Variants in GABRG3 observed in about 807,000 individuals in gnomAD.
The protein encoded by GABRG3 is gamma-aminobutyric acid type A receptor subunit gamma3.
A neutral mutation model predicts 48.8 loss-of-function variants in GABRG3; 25 were observed. The ratio of observed to expected loss-of-function variants is 0.51; its 90% confidence interval spans 0.37 to 0.72. The LOEUF (loss-of-function observed/expected upper bound fraction) is 0.72, where lower values mean the gene tolerates loss of function less well. Ranked by LOEUF, GABRG3 falls within the 30% of genes least tolerant of loss-of-function variation. The pLI, the probability that GABRG3 is intolerant of heterozygous loss-of-function variation, is 0.00. For synonymous variants in GABRG3, 227 were observed against 217.6 expected (o/e 1.04, Z -0.38); for missense variants, 394 against 577.9 (o/e 0.68, Z 3.26).
intron 3 of GABRG3, among the ~76,000 whole-genome samples, chr15:27,092,261 G>A (rs1897199054): frequency 6.6e-6 from 1 of 152,254 alleles, no homozygotes; most frequent in African/African-American, 2.4e-5. Context: ...GACAGAACTG[G>A]GGAATCTTTA....
chr15:27,131,462 T>C (rs1215234306), intron 3 of GABRG3, among the ~76,000 whole-genome samples: 1 of 152,024 alleles, frequency 6.6e-6, no homozygotes, highest in Non-Finnish European at 1.5e-5. Context: ...GATTCTTGTA[T>C]CAGTAGTCAA....
chr15:27,501,065 C>A (rs138371752), intron 6 of GABRG3, among the ~76,000 whole-genome samples: 1 of 150,320 alleles, frequency 6.7e-6, no homozygotes, highest in African/African-American at 2.5e-5. Flanking sequence ...CATTCTCCTG[C>A]CTCAGCCTCC....
intron 6 of GABRG3, among the ~76,000 whole-genome samples, chr15:27,502,508 G>T (rs2150854854): frequency 6.6e-6 from 1 of 152,248 alleles, no homozygotes; most frequent in South Asian, 2.1e-4. Flanking sequence ...TGTGCAATCA[G>T]TTCTGCAGGG....
chr15:26,985,161 C>T (rs1186892870), intron 2 of GABRG3, among the ~76,000 whole-genome samples: 19 of 152,172 alleles, frequency 1.2e-4, no homozygotes, highest in Non-Finnish European at 2.5e-4. Flanking sequence ...CAGGAGATCC[C>T]AGCCTCCTCC....
At chr15:27,007,830 T>A (rs931296100) in intron 2 of GABRG3, among the ~76,000 whole-genome samples, 1 of 152,202 alleles carries the variant, frequency 6.6e-6, no homozygotes, top group Non-Finnish European at 1.5e-5. Flanking sequence ...GATGCATAGT[T>A]TGCAAATATT....
At chr15:27,104,510 C>G (rs1366000714) in intron 3 of GABRG3, among the ~76,000 whole-genome samples, 2 of 152,204 alleles carry the variant, frequency 1.3e-5, no homozygotes, top group African/African-American at 4.8e-5. Context: ...CTCATTCACT[C>G]ACTCACTCCC....
At position 27,231,721 on chromosome 15, in the gene GABRG3, T is replaced by C. The variant is rs569913810; in HGVS notation, c.271-95088T>C. Among the ~76,000 whole-genome samples, 9 of 152,368 alleles carry C rather than the reference T, an allele frequency of 5.9e-5. No individual in the cohort carries two copies. The South Asian group carries it at 1.9e-3, about 32-fold the overall frequency. On this transcript the variant is annotated intron_variant, in intron 3 of 9. Transcript: ENST00000615808. ...TTTAACTTACTGTCATTTTCCTTTT[T>C]ATTTATTCATTTGTTTGATATTGTA... is the stretch of plus-strand genomic sequence containing the variant.
intron 3 of GABRG3, among the ~76,000 whole-genome samples, chr15:27,226,309 A>G (rs951138462): frequency 6.6e-6 from 1 of 152,138 alleles, no homozygotes; most frequent in East Asian, 1.9e-4. Flanking sequence ...TGCTGCTGAC[A>G]TGGACAATGT....
chr15:27,323,495 C>T (rs1438030211), intron 3 of GABRG3, among the ~76,000 whole-genome samples: 1 of 152,166 alleles, frequency 6.6e-6, no homozygotes, highest in Non-Finnish European at 1.5e-5. Flanking sequence ...CCCATATGTG[C>T]CTCCCTGACC....
chr15:27,321,506 A>T (rs556200105), intron 3 of GABRG3, among the ~76,000 whole-genome samples: 1 of 152,234 alleles, frequency 6.6e-6, no homozygotes, highest in Non-Finnish European at 1.5e-5. Flanking sequence ...CCTGAGAAGG[A>T]AAAAATAAAA....
At chr15:27,152,247 A>T (rs764048819) in intron 3 of GABRG3, among the ~76,000 whole-genome samples, 1 of 152,162 alleles carries the variant, frequency 6.6e-6, no homozygotes, top group Non-Finnish European at 1.5e-5. Flanking sequence ...TGTTTCCTCC[A>T]TGAAATCCCT....
At chr15:27,279,514 A>G (rs1194823519) in intron 3 of GABRG3, among the ~76,000 whole-genome samples, 1 of 152,206 alleles carries the variant, frequency 6.6e-6, no homozygotes, top group African/African-American at 2.4e-5. Flanking sequence ...ATAAATTGAA[A>G]AGATTCTCTT....
At chr15:27,200,144 A>G (rs1012933987) in intron 3 of GABRG3, among the ~76,000 whole-genome samples, 4 of 152,158 alleles carry the variant, frequency 2.6e-5, no homozygotes, top group African/African-American at 9.7e-5. Flanking sequence ...AGGATTGTTT[A>G]CCAGCTGCTC....
At chr15:27,321,361 C>G (rs1272396761) in intron 3 of GABRG3, among the ~76,000 whole-genome samples, 1 of 152,190 alleles carries the variant, frequency 6.6e-6, no homozygotes, top group Non-Finnish European at 1.5e-5. Context: ...TTGGGAAAAC[C>G]CTTGTGCCTG....
chr15:27,257,794 A>G (rs1447619354), intron 3 of GABRG3, among the ~76,000 whole-genome samples: 2 of 150,310 alleles, frequency 1.3e-5, no homozygotes, highest in Admixed American at 6.6e-5. Context: ...GACTATGTGC[A>G]TGCACCACCA....
At chr15:27,098,207 G>A (rs762875403) in intron 3 of GABRG3, among the ~76,000 whole-genome samples, 7 of 152,176 alleles carry the variant, frequency 4.6e-5, no homozygotes, top group Non-Finnish European at 7.3e-5. Flanking sequence ...GCCAAGGCGA[G>A]TGGATCACCT....
intron 2 of GABRG3, among the ~76,000 whole-genome samples, chr15:26,992,127 C>T (rs754443857): frequency 4.6e-5 from 7 of 152,158 alleles, no homozygotes; most frequent in South Asian, 4.1e-4. Flanking sequence ...TAATAGTTTT[C>T]TTGTGGAATC....
At chr15:27,245,661 C>G (rs910955978) in intron 3 of GABRG3, among the ~76,000 whole-genome samples, 4 of 152,234 alleles carry the variant, frequency 2.6e-5, no homozygotes, top group Admixed American at 1.3e-4. Context: ...ATTACAACGT[C>G]AGGAGTTCGA....
intron 6 of GABRG3, among the ~76,000 whole-genome samples, chr15:27,493,191 C>A (rs574504709): frequency 6.6e-6 from 1 of 152,224 alleles, no homozygotes; most frequent in South Asian, 2.1e-4. Context: ...TTGTTAATAT[C>A]TTGGTACATA....
Sources: gnomAD v4.1 joint callset for allele counts (sites outside exome capture counted in the v4.1 genomes callset) on GRCh38, gnomAD v4.1.1 for gene constraint, MANE v1.5 for transcripts, NCBI Gene and HGNC (gene_info 2026-07-23, HGNC 2026-07-21) for gene names.